PRDM1: variants seen among roughly 807,000 people sequenced by gnomAD.
PRDM1 encodes PR/SET domain 1.
Under a neutral mutation model 62.8 loss-of-function variants are expected in PRDM1, and 13 were observed. The ratio of observed to expected loss-of-function variants is 0.21; its 90% CI spans 0.13 to 0.33. PRDM1 has a LOEUF of 0.33. Ranked by LOEUF, PRDM1 falls within the 10% of genes least tolerant of loss-of-function variation. The pLI is 1.00. For missense variants in PRDM1, 895 were observed against 1,058.8 expected (o/e 0.85, Z 2.15); for synonymous variants, 396 against 417.6 (o/e 0.95, Z 0.63).
chr6:106,074,756 C>T (rs865961916), intron 1 of PRDM1, among the ~76,000 whole-genome samples: 1 of 152,286 alleles, frequency 6.6e-6, no homozygotes. Flanking sequence ...GGGCGGATCG[C>T]TTGAGGCCAG....
upstream of PRDM1, chr6:106,045,564 C>T (rs78675531): frequency 1.3e-3 from 203 of 152,220 alleles, 1 homozygote; most frequent in African/African-American, 4.0e-3. Context: ...GAGAAATCAA[C>T]GTTGTTCTCT....
intron 1 of PRDM1, 82 bp downstream of exon 1, chr6:106,086,677 T>G: frequency 7.6e-7 from 1 of 1,323,364 alleles, no homozygotes. Context: ...TTATTATTAT[T>G]AATTTTTTTT....
rs1400210297 is a variant in PRDM1 at position 106,105,268 on chromosome 6, C to T, written c.1108C>T (p.His370Tyr). The T allele has an allele frequency of 3.7e-6, 6 of 1,613,694 alleles. No homozygotes were observed. The highest frequency in any genetic ancestry group is 5.1e-6 in the Non-Finnish European group (6 of 1,179,976). ...CCCTGTGGGCCCCGGCTCTCAAGAG[C>T]ACCGGGACTCCTACGCTTACTTGAA... ...VSPVGPGSQE[H>Y]RDSYAYLNAS... The change falls in exon 5 of 7, where the codon CAC becomes TAC. Residue 370 changes from histidine to tyrosine, a missense_variant. Coordinates refer to ENST00000369096, the MANE Select transcript of PRDM1 (RefSeq NM_001198.4).
rs939237974 is a variant in PRDM1 at position 106,108,677 on chromosome 6, T to C, written c.*1191T>C. The C allele has an allele frequency of 9.4e-5, 22 of 233,536 alleles. No homozygotes were observed. The highest frequency in any genetic ancestry group is 4.4e-4 in the African/African-American group (20 of 45,334). The allele number at this position is 233,536 out of a possible 1,614,324, so 14.5% of individuals were successfully genotyped here. On this transcript the variant is annotated 3_prime_UTR_variant, in exon 7 of 7. Transcript: ENST00000369096. ...GTCATCTTGGGGTAAAAGCGGGTAA[T>C]GAACATTCCTATCCCCAACACATCA...
At chr6:106,095,942 C>A (rs1253241023) in intron 3 of PRDM1, 2 of 545,590 alleles carry the variant, frequency 3.7e-6, no homozygotes, top group Middle Eastern at 3.5e-4. Context: ...GATGGAGATA[C>A]GGGCTATATG....
At chr6:106,038,014 C>CTTTTTTTTTTTTTTCTTTTTTTTTTTTT in intron 1 of PRDM1, among the ~76,000 whole-genome samples, 1 of 47,800 alleles carries the variant, frequency 2.1e-5, no homozygotes, top group Non-Finnish European at 3.5e-5. Flanking sequence ...CTATTTTTGT[C>CTTTTTTTTTTTTTTCTTTTTTTTTTTTT]TTTTTTTTTT....
At chr6:106,041,674 C>T (rs997490923) in intron 1 of PRDM1, among the ~76,000 whole-genome samples, 5 of 151,934 alleles carry the variant, frequency 3.3e-5, no homozygotes, top group Non-Finnish European at 7.4e-5. Context: ...ACTGAACATC[C>T]CCCCAGAAAA....
At position 106,099,442 on chromosome 6, in the gene PRDM1, A is replaced by G; in HGVS notation, c.554A>G (p.Tyr185Cys). Reference sequence around the variant, plus strand: ...CAGAACGGGATGAACATCTACTTCTACACCATTAAGCCCATCCCTGCCAAC... The same window carrying G: ...CAGAACGGGATGAACATCTACTTCTGCACCATTAAGCCCATCCCTGCCAAC... ...ACQNGMNIYF[Y>C]TIKPIPANQE... Residue 185 changes from tyrosine to cysteine, a missense_variant, in exon 4 of 7, where the codon TAC becomes TGC. By Grantham distance (194) the Tyr-to-Cys change is radical (BLOSUM62 -2). This residue lies in a region of PRDM1 where 213 missense variants were observed against 283.9 expected (regional missense o/e 0.75). Coordinates refer to ENST00000369096, the MANE Select transcript of PRDM1 (RefSeq NM_001198.4). The G allele has an allele frequency of 6.2e-7, 1 of 1,614,234 alleles. No homozygotes were observed. Among genetic ancestry groups the G allele is most frequent in the Non-Finnish European group, 8.5e-7 (1 of 1,180,036 alleles).
At chr6:106,033,120 A>G (rs1184451254) in intron 1 of PRDM1, among the ~76,000 whole-genome samples, 1 of 151,838 alleles carries the variant, frequency 6.6e-6, no homozygotes, top group South Asian at 2.1e-4. Flanking sequence ...ATAACATAAA[A>G]TTTACCATCT....
intron 1 of PRDM1, among the ~76,000 whole-genome samples, chr6:106,074,107 T>C (rs1259348809): frequency 6.6e-6 from 1 of 152,146 alleles, no homozygotes; most frequent in Non-Finnish European, 1.5e-5. Flanking sequence ...GAGAAGGTAA[T>C]TACAAGGCCA....
intron 1 of PRDM1, among the ~76,000 whole-genome samples, chr6:106,009,225 A>G (rs1025592819): frequency 6.6e-6 from 1 of 152,184 alleles, no homozygotes; most frequent in Non-Finnish European, 1.5e-5. Flanking sequence ...TGAATGAAAT[A>G]TATTTGAAGT....
At chr6:106,090,086 T>C (rs1773920321) in intron 2 of PRDM1, among the ~76,000 whole-genome samples, 2 of 152,204 alleles carry the variant, frequency 1.3e-5, no homozygotes, top group Non-Finnish European at 2.9e-5. Flanking sequence ...AGACAGTCAC[T>C]TACCCAAAGG....
At chr6:106,000,165 A>C (rs1443329951) in intron 1 of PRDM1, among the ~76,000 whole-genome samples, 1 of 152,184 alleles carries the variant, frequency 6.6e-6, no homozygotes, top group Non-Finnish European at 1.5e-5. Context: ...ATGTATTTCA[A>C]CTATACCAAA....
chr6:106,043,591 T>C (rs1004124545), upstream of PRDM1, among the ~76,000 whole-genome samples: 14 of 152,308 alleles, frequency 9.2e-5, no homozygotes, highest in African/African-American at 3.4e-4. Flanking sequence ...TGGAGTGCAA[T>C]GGCACGATCT....
intron 3 of PRDM1, chr6:106,098,386 T>C (rs908221115): frequency 1.0e-6 from 1 of 985,422 alleles, no homozygotes; most frequent in Non-Finnish European, 1.2e-6. Flanking sequence ...CCAAGTAGCC[T>C]GAGTGCATCT....
At chr6:106,007,117 T>C (rs1041059148) in intron 1 of PRDM1, among the ~76,000 whole-genome samples, 1 of 151,924 alleles carries the variant, frequency 6.6e-6, no homozygotes, top group Non-Finnish European at 1.5e-5. Flanking sequence ...ACATGTTCTT[T>C]AGGAGTTGGT....
In PRDM1 at chr6:106,079,429, A is replaced by G. The variant is rs1041498040; in HGVS notation, c.-66-8772A>G. On this transcript the variant is annotated intron_variant, in intron 1 of 6. Transcript: ENST00000651185. ...AACCCCACCCAATGATTTTGAGGCAAAGGCCAAAAAGCATATAATTTCATT... is the reference window on the plus strand; with the variant it reads ...AACCCCACCCAATGATTTTGAGGCAGAGGCCAAAAAGCATATAATTTCATT... Among the ~76,000 whole-genome samples the G allele has an allele frequency of 2.0e-4, 31 of 152,234 alleles. 1 individual carries two copies. Among genetic ancestry groups the G allele is most frequent in the Non-Finnish European group, 5.9e-5 (4 of 68,034 alleles).
chr6:106,107,201 G>C lies in PRDM1; in HGVS notation c.2193G>C (p.Glu731Asp), dbSNP rs1774518070. 1.9e-6 allele frequency: 3 copies of C among 1,614,114 alleles called. No individual in the cohort carries two copies. In the African/African-American group the frequency reaches 4.0e-5, roughly 22 times the overall value. Residue 731 changes from glutamate (E) to aspartate (D), a missense_variant, in exon 7 of 7, where the codon GAG becomes GAC. Physicochemically the swap from Glu to Asp is conservative, Grantham distance 45. Transcript: ENST00000369096. ...TGACCCGAATCAATGAAGAAATCGA[G>C]AAGTTTGACATCAGTGACAATGCTG... ...EDLTRINEEIEKFDISDNADR... is the reference protein window; with the variant it reads ...EDLTRINEEIDKFDISDNADR...
At chr6:106,045,504 G>A (rs781402396), upstream of PRDM1, 2 of 152,164 alleles carry the variant, frequency 1.3e-5, no homozygotes, top group Non-Finnish European at 2.9e-5. Context: ...TAGCACAGAT[G>A]ATCAACAAAG....
Sources: gnomAD v4.1 joint callset for allele counts (sites outside exome capture counted in the v4.1 genomes callset) on GRCh38, gnomAD v4.1.1 for gene constraint, gnomAD v4.1.1 regional missense constraint, MANE v1.5 for transcripts, NCBI Gene and HGNC (gene_info 2026-07-23, HGNC 2026-07-21) for gene names.